CCDC146: variants seen among roughly 807,000 people sequenced by gnomAD.
CCDC146 encodes coiled-coil domain-containing protein 146.
In CCDC146, 92 loss-of-function variants were observed where a neutral mutation model predicts 119.3. The observed-to-expected ratio is 0.77, with a 90% CI of 0.65 to 0.92. The LOEUF (loss-of-function observed/expected upper bound fraction) is 0.92. CCDC146 is among the 40% of genes least tolerant of loss of function. CCDC146 has a pLI of 0.00. For synonymous variants in CCDC146, 372 were observed against 371.8 expected (o/e 1.00, Z -0.01); for missense variants, 1,000 against 1,103.0 (o/e 0.91, Z 1.32).
Position 77,134,555 on chromosome 7 carries a change from GTGTGTGTC to G in CCDC146, c.-12+11831_-12+11838del, listed in dbSNP as rs1228334919. Among the ~76,000 whole-genome samples the G allele has an allele frequency of 2.5e-3, 260 of 103,782 alleles. 2 individuals carry two copies. The highest frequency in any genetic ancestry group is 8.0e-3 in the African/African-American group (192 of 23,990). 68.1% of individuals were successfully genotyped at this position (103,782 alleles called of 152,430 possible). A position where few individuals can be genotyped will look rare whatever the true frequency, so the allele number is the denominator to read the frequency against. The stretch of plus-strand genomic sequence containing the variant: ...CTAAGGCCACTCTGTGTGTGTGTGT[GTGTGTGTC>G]TGTGTGTGTGTGTGTGTGTGTGTGT... On this transcript the variant is annotated intron_variant, in intron 1 of 18. Coordinates refer to ENST00000285871, the MANE Select transcript of CCDC146 (RefSeq NM_020879.3).
chr7:77,147,651 CT>C (rs1028167884), intron 1 of CCDC146, among the ~76,000 whole-genome samples: 15 of 152,216 alleles, frequency 9.9e-5, no homozygotes, highest in African/African-American at 1.4e-4. Context: ...AGCTGCAGGT[CT>C]GTTGGAGTTT....
chr7:77,143,910 G>A (rs1269012389), intron 1 of CCDC146, among the ~76,000 whole-genome samples: 1 of 151,670 alleles, frequency 6.6e-6, no homozygotes, highest in South Asian at 2.1e-4. Flanking sequence ...CTCTTTTTTG[G>A]TTCCACATGA....
intron 4 of CCDC146, among the ~76,000 whole-genome samples, chr7:77,244,711 G>A (rs1450671394): frequency 2.0e-5 from 3 of 152,172 alleles, no homozygotes; most frequent in African/African-American, 4.8e-5. Context: ...GTTGCCTAAC[G>A]ACGCGTCTCT....
chr7:77,281,010 C>T (rs1002348066), intron 14 of CCDC146, among the ~76,000 whole-genome samples: 7 of 151,292 alleles, frequency 4.6e-5, no homozygotes, highest in African/African-American at 1.5e-4. Flanking sequence ...AGCTGCAGCA[C>T]GAGAATCGCT....
At chr7:77,172,929 A>G (rs905175787) in intron 2 of CCDC146, among the ~76,000 whole-genome samples, 5 of 152,130 alleles carry the variant, frequency 3.3e-5, no homozygotes, top group Non-Finnish European at 5.9e-5. Context: ...CCTTCAGGGA[A>G]CTGCCTGAGT....
intron 9 of CCDC146, among the ~76,000 whole-genome samples, 170 bp downstream of exon 9, chr7:77,262,477 T>C (rs1161861673): frequency 6.6e-6 from 1 of 152,252 alleles, no homozygotes; most frequent in African/African-American, 2.4e-5. Flanking sequence ...AGTCCTATAA[T>C]GTTTCGTAAT....
intron 4 of CCDC146, among the ~76,000 whole-genome samples, chr7:77,246,641 A>T (rs191162057): frequency 5.3e-5 from 8 of 152,380 alleles, no homozygotes; most frequent in Non-Finnish European, 1.0e-4. Context: ...ATGCATAAAG[A>T]TATTGATATT....
chr7:77,238,690 T>C (rs1792786258), intron 3 of CCDC146, among the ~76,000 whole-genome samples: 1 of 152,156 alleles, frequency 6.6e-6, no homozygotes, highest in African/African-American at 2.4e-5. Context: ...GTGCTGGGAT[T>C]ACAGGCGTGA....
intron 1 of CCDC146, among the ~76,000 whole-genome samples, chr7:77,138,811 A>C (rs910247757): frequency 1.3e-5 from 2 of 152,234 alleles, no homozygotes; most frequent in Non-Finnish European, 2.9e-5. Flanking sequence ...AAACAATAGT[A>C]AGATACTATC....
At chr7:77,287,300 G>C in intron 16 of CCDC146, 140 bp from the exon 17 acceptor site, 1 of 824,742 alleles carries the variant, frequency 1.2e-6, no homozygotes, top group Non-Finnish European at 1.9e-6. Context: ...GGCTGGGGCA[G>C]GGAAAGTCTT....
At chr7:77,247,413 A>T (rs1247674948) in intron 4 of CCDC146, among the ~76,000 whole-genome samples, 3 of 152,230 alleles carry the variant, frequency 2.0e-5, no homozygotes, top group African/African-American at 7.2e-5. Flanking sequence ...TGGTGGCAGC[A>T]TGCCCGAGGT....
At chr7:77,224,334 T>G (rs1792463426) in intron 2 of CCDC146, among the ~76,000 whole-genome samples, 1 of 152,176 alleles carries the variant, frequency 6.6e-6, no homozygotes, top group Admixed American at 6.5e-5. Context: ...TCCTCCATAG[T>G]CAGCAACAGT....
In CCDC146 at chr7:77,259,002, TG is replaced by T; in HGVS notation, c.694del (p.Ala232ProfsTer14). Reference sequence around the variant, plus strand: ...ATTTCGTTTCTTTACTAGGATGAAGTGGCCCACCATCAAACCATTCCAGTAC... The same window carrying T: ...ATTTCGTTTCTTTACTAGGATGAAGTGCCCACCATCAAACCATTCCAGTAC... ...LGHQVVLKDE[V>X]AHHQTIPVQI... On this transcript the variant is annotated frameshift_variant, in exon 7 of 19. Transcript: ENST00000285871. LOFTEE classifies it high-confidence loss of function. The T allele has an allele frequency of 6.2e-7, 1 of 1,611,152 alleles. No individual in the cohort carries two copies. Among genetic ancestry groups the T allele is most frequent in the Non-Finnish European group, 8.5e-7 (1 of 1,177,684 alleles).
chr7:77,126,357 C>T (rs1302931319), intron 1 of CCDC146, among the ~76,000 whole-genome samples: 1 of 152,006 alleles, frequency 6.6e-6, no homozygotes, highest in Non-Finnish European at 1.5e-5. Context: ...CCTCTGTGGC[C>T]ACAGCACCTT....
intron 11 of CCDC146, among the ~76,000 whole-genome samples, chr7:77,278,183 A>C (rs2150543421): frequency 6.6e-6 from 1 of 152,282 alleles, no homozygotes; most frequent in East Asian, 1.9e-4. Context: ...TCTATTTTCC[A>C]TAAACTACAC....
chr7:77,192,299 A>G (rs1174301928), intron 2 of CCDC146, among the ~76,000 whole-genome samples: 1 of 152,176 alleles, frequency 6.6e-6, no homozygotes, highest in Non-Finnish European at 1.5e-5. Context: ...GGCAGATTCT[A>G]TTACTATTCC....
intron 4 of CCDC146, among the ~76,000 whole-genome samples, chr7:77,253,519 A>C (rs990773584): frequency 6.6e-6 from 1 of 152,226 alleles, no homozygotes; most frequent in Admixed American, 6.5e-5. Context: ...CATTCAGCAC[A>C]TACATTATTT....
intron 2 of CCDC146, among the ~76,000 whole-genome samples, chr7:77,183,997 T>C (rs1197802155): frequency 1.3e-5 from 2 of 152,364 alleles, no homozygotes; most frequent in East Asian, 3.9e-4. Context: ...ATGTATTTCC[T>C]ATATCAAGCC....
At chr7:77,201,681 CT>C (rs1018091965) in intron 2 of CCDC146, among the ~76,000 whole-genome samples, 6 of 151,898 alleles carry the variant, frequency 4.0e-5, no homozygotes, top group Non-Finnish European at 4.4e-5. Flanking sequence ...CACCTTATGA[CT>C]TTTTTTCTTC....
Sources: allele counts gnomAD v4.1 joint callset (sites outside exome capture counted in the v4.1 genomes callset), GRCh38; gene constraint gnomAD v4.1.1; transcripts MANE v1.5; gene names NCBI Gene and HGNC (gene_info 2026-07-23, HGNC 2026-07-21).